The following ZNRF3 variants were observed in gnomAD, a reference collection of about 807,000 sequenced individuals.
ZNRF3 encodes zinc and ring finger 3, also known as E3 ubiquitin-protein ligase ZNRF3.
A neutral mutation model predicts 72.5 loss-of-function variants in ZNRF3; 23 were observed. That is an observed-to-expected ratio of 0.32 (90% CI 0.23 to 0.45). ZNRF3 has a LOEUF of 0.45. ZNRF3 is among the 20% of genes least tolerant of loss of function. ZNRF3 has a pLI of 1.00. For synonymous variants in ZNRF3, 610 were observed against 545.3 expected, an observed-to-expected ratio of 1.12 and a Z score of -1.65; for missense variants, 1,169 against 1,272.1, an observed-to-expected ratio of 0.92 and a Z score of 1.23.
intron 1 of ZNRF3, among the ~76,000 whole-genome samples, chr22:28,932,456 G>A (rs1329220595): frequency 6.6e-6 from 1 of 152,204 alleles, no homozygotes; most frequent in Admixed American, 6.5e-5. Context: ...CCATTTTGCT[G>A]ATGACAGGCT....
rs1319174919 is a variant in ZNRF3 at position 29,057,343 on chromosome 22, C to A, written c.*3721C>A. The stretch of plus-strand genomic sequence containing the variant: ...ATCATTGAAAATGACTAACACAAGA[C>A]CCTGTAAATACATGATAATTGCACA... On this transcript the variant is annotated 3_prime_UTR_variant, in exon 9 of 9. Transcript: ENST00000544604. 1 of 152,058 alleles carries A rather than the reference C, an allele frequency of 6.6e-6. No individual in the cohort carries two copies. Among genetic ancestry groups the A allele is most frequent in the Non-Finnish European group, 1.5e-5 (1 of 68,026 alleles). The allele number at this position is 152,058 out of a possible 1,614,324, so 9.4% of individuals were successfully genotyped here. A position where few individuals can be genotyped will look rare whatever the true frequency, so the allele number is the denominator to read the frequency against.
chr22:29,038,635 T>G (rs547350974), intron 2 of ZNRF3, among the ~76,000 whole-genome samples: 2 of 152,180 alleles, frequency 1.3e-5, no homozygotes, highest in South Asian at 4.1e-4. Context: ...CTGGCCTGTA[T>G]TTTTTTAATT....
intron 1 of ZNRF3, among the ~76,000 whole-genome samples, chr22:28,955,973 T>A (rs2035253306): frequency 6.6e-6 from 1 of 152,094 alleles, no homozygotes; most frequent in Non-Finnish European, 1.5e-5. Flanking sequence ...AACATCCTGT[T>A]GAGGTGTCCC....
intron 2 of ZNRF3, among the ~76,000 whole-genome samples, chr22:29,012,957 C>T (rs138109168): frequency 2.4e-4 from 37 of 152,312 alleles, no homozygotes; most frequent in African/African-American, 8.7e-4. Flanking sequence ...CTCCAGACCT[C>T]CTGCTCTTCT....
At chr22:28,937,201 ATATATATATATATATTTTTTTTT>A (rs1420338664) in intron 1 of ZNRF3, among the ~76,000 whole-genome samples, 571 of 4,396 alleles carry the variant, frequency 0.13, 10 homozygotes, top group East Asian at 0.32. Flanking sequence ...ATATATATAT[ATATATATATATATATTTTTTTTT>A]TTTTTTTTTT....
chr22:29,036,047 T>C (rs1011945851), intron 2 of ZNRF3, among the ~76,000 whole-genome samples: 2 of 152,200 alleles, frequency 1.3e-5, no homozygotes, highest in Non-Finnish European at 2.9e-5. Context: ...ACATGCATTT[T>C]ATTCTTGCCA....
intron 1 of ZNRF3, among the ~76,000 whole-genome samples, chr22:28,982,009 T>A (rs1460495707): frequency 6.6e-6 from 1 of 152,028 alleles, no homozygotes; most frequent in Non-Finnish European, 1.5e-5. Flanking sequence ...AAAAGTTGTT[T>A]TCCAACTGAG....
chr22:29,050,814 G>A lies in ZNRF3; in HGVS notation c.2633G>A (p.Arg878Gln), dbSNP rs769941403. The change falls in exon 8 of 9, where the codon CGG becomes CAG. Residue 878 changes from arginine to glutamine, a missense_variant. This residue lies in a region of ZNRF3 where 783 missense variants were observed against 731.4 expected (regional missense o/e 1.07). Coordinates refer to ENST00000544604, the MANE Select transcript of ZNRF3 (RefSeq NM_001206998.2). ...CTGGGAGCAACCCGGGAAGAGGAGC[G>A]GGCTCTGTGCTGCCAGGCTAGGGCC... The part of the protein sequence containing the change: ...RGLGATREEE[R>Q]ALCCQARALL... 1.3e-5 allele frequency: 21 copies of A among 1,607,696 alleles called. No homozygotes were observed. Among genetic ancestry groups the A allele is most frequent in the Middle Eastern group, 3.3e-4 (2 of 6,044 alleles).
At chr22:28,893,925 C>A (rs1209838006) in intron 1 of ZNRF3, among the ~76,000 whole-genome samples, 1 of 152,078 alleles carries the variant, frequency 6.6e-6, no homozygotes, top group African/African-American at 2.4e-5. Context: ...TACACCCCTA[C>A]CAGGTCGCCA....
chr22:28,992,144 C>T (rs954484652), intron 2 of ZNRF3, among the ~76,000 whole-genome samples: 2 of 151,814 alleles, frequency 1.3e-5, no homozygotes, highest in Admixed American at 6.6e-5. Context: ...TAGAGTGAGA[C>T]CCTATCTCTC....
chr22:29,020,296 T>C (rs1292849457), intron 2 of ZNRF3, among the ~76,000 whole-genome samples: 1 of 146,306 alleles, frequency 6.8e-6, no homozygotes, highest in Non-Finnish European at 1.5e-5. Context: ...AGTTTTGCTT[T>C]GTCACCCAGG....
At chr22:28,964,795 G>A (rs1280547427) in intron 1 of ZNRF3, among the ~76,000 whole-genome samples, 1 of 152,262 alleles carries the variant, frequency 6.6e-6, no homozygotes, top group Non-Finnish European at 1.5e-5. Flanking sequence ...TCACGCTGCG[G>A]TCATCTGGCC....
At chr22:28,926,797 C>CAAA (rs747908278) in intron 1 of ZNRF3, among the ~76,000 whole-genome samples, 2 of 77,494 alleles carry the variant, frequency 2.6e-5, no homozygotes, top group African/African-American at 4.6e-5. Context: ...AACTCCATCT[C>CAAA]AAAAAAAAAA....
chr22:28,965,180 G>A (rs541101493), intron 1 of ZNRF3, among the ~76,000 whole-genome samples: 3 of 152,254 alleles, frequency 2.0e-5, no homozygotes, highest in South Asian at 2.1e-4. Context: ...CATCTTTGTT[G>A]CATCAGCCAC....
chr22:28,919,970 T>C (rs1020733885), intron 1 of ZNRF3, among the ~76,000 whole-genome samples: 1 of 152,112 alleles, frequency 6.6e-6, no homozygotes, highest in Admixed American at 6.6e-5. Context: ...AGTGGACTTT[T>C]ATTTTATTTT....
intron 1 of ZNRF3, among the ~76,000 whole-genome samples, chr22:28,945,025 AG>A (rs2035026087): frequency 6.6e-6 from 1 of 151,748 alleles, no homozygotes; most frequent in Non-Finnish European, 1.5e-5. Context: ...CCTTAAAAAA[AG>A]TTTAAGATGG....
chr22:29,025,564 C>CT (rs201290663), intron 2 of ZNRF3: 49,450 of 147,328 alleles, frequency 0.34, 9,165 homozygotes, highest in Middle Eastern at 0.42. Context: ...CTCTTTCTTT[C>CT]TTTTTTTTTT....
At chr22:28,971,066 G>A (rs1325188149) in intron 1 of ZNRF3, among the ~76,000 whole-genome samples, 2 of 152,342 alleles carry the variant, frequency 1.3e-5, no homozygotes, top group African/African-American at 2.4e-5. Flanking sequence ...GCACAAGCCT[G>A]TAGTCCCCGC....
At chr22:28,897,221 C>T (rs2034014162) in intron 1 of ZNRF3, among the ~76,000 whole-genome samples, 1 of 152,192 alleles carries the variant, frequency 6.6e-6, no homozygotes. Context: ...CCTAGCTGCC[C>T]CAGTCTCTCA....
Sources: allele counts gnomAD v4.1 joint callset (sites outside exome capture counted in the v4.1 genomes callset), GRCh38; gene constraint gnomAD v4.1.1; regional missense constraint gnomAD v4.1.1; transcripts MANE v1.5; gene names NCBI Gene and HGNC (gene_info 2026-07-23, HGNC 2026-07-21).